Variants in DPY19L3 observed in about 807,000 individuals in gnomAD.
The protein encoded by DPY19L3 is dpy-19 like C-mannosyltransferase 3.
A neutral mutation model predicts 92.3 loss-of-function variants in DPY19L3; 51 were observed. That is an observed-to-expected ratio of 0.55 (90% CI 0.44 to 0.70). DPY19L3 has a LOEUF of 0.70. Ranked by LOEUF, DPY19L3 falls within the 30% of genes least tolerant of loss-of-function variation. The pLI, the probability that DPY19L3 is intolerant of heterozygous loss-of-function variation, is 0.00. For synonymous variants in DPY19L3, 309 were observed against 315.2 expected, an observed-to-expected ratio of 0.98 and a Z score of 0.21; for missense variants, 706 against 855.9, an observed-to-expected ratio of 0.82 and a Z score of 2.18.
At chr19:32,465,537 A>G (rs1486344154) in intron 15 of DPY19L3, among the ~76,000 whole-genome samples, 1 of 152,212 alleles carries the variant, frequency 6.6e-6, no homozygotes, top group African/African-American at 2.4e-5. Flanking sequence ...CTTTAAGTTA[A>G]AACGACGGAT....
intron 6 of DPY19L3, among the ~76,000 whole-genome samples, chr19:32,438,207 C>T (rs1969208034): frequency 6.6e-6 from 1 of 152,126 alleles, no homozygotes; most frequent in African/African-American, 2.4e-5. Flanking sequence ...AAAACTTGAA[C>T]ATGAGTTCTA....
At chr19:32,426,607 A>C (rs543332241) in intron 3 of DPY19L3, among the ~76,000 whole-genome samples, 2 of 152,268 alleles carry the variant, frequency 1.3e-5, no homozygotes, top group African/African-American at 4.8e-5. Flanking sequence ...GCCTGGGGAG[A>C]GGAAATGAGA....
rs759615519 is a variant in DPY19L3, at chr19:32,463,863, T to A, written c.1446-6T>A. On this transcript the variant is annotated splice_region_variant and splice_polypyrimidine_tract_variant and intron_variant, in intron 13 of 18. Transcript: ENST00000392250. The stretch of plus-strand genomic sequence containing the variant: ...TTCTGACTTGCGCCTGTGTCTGTTC[T>A]TGCAGAATGAAGTACCTCTGGACGT... 6.2e-7 allele frequency: 1 copy of A among 1,611,236 alleles called. No individual in the cohort carries two copies. The highest frequency in any genetic ancestry group is 1.1e-5 in the South Asian group (1 of 90,878).
chr19:32,481,835 G>A, intron 18 of DPY19L3: 1 of 468,898 alleles, frequency 2.1e-6, no homozygotes, highest in South Asian at 3.3e-5. Flanking sequence ...CTGAGTTCTA[G>A]TTCTGGCTTT....
At chr19:32,447,801 T>A (rs557613824) in intron 8 of DPY19L3, among the ~76,000 whole-genome samples, 8,317 of 71,498 alleles carry the variant, frequency 0.12, 297 homozygotes, top group Admixed American at 0.15. Flanking sequence ...TCCATCTCAT[T>A]CATAGATAGA....
At chr19:32,451,927 T>C (rs151260722) in intron 8 of DPY19L3, among the ~76,000 whole-genome samples, 5,167 of 152,084 alleles carry the variant, frequency 0.034, 351 homozygotes, top group Admixed American at 0.17. Flanking sequence ...CTCAACCTCC[T>C]GGACTCAAGT....
chr19:32,467,815 TTTAG>T, intron 15 of DPY19L3: 1 of 977,796 alleles, frequency 1.0e-6, no homozygotes. Flanking sequence ...ACAATTAAGA[TTTAG>T]TTAATTGTTG....
Position 32,437,214 on chromosome 19 carries a change from T to A in DPY19L3, c.471T>A (p.Tyr157Ter), listed in dbSNP as rs975410353. 6.2e-7 allele frequency: 1 copy of A among 1,614,016 alleles called. No individual in the cohort carries two copies. Among genetic ancestry groups the A allele is most frequent in the African/African-American group, 1.3e-5 (1 of 74,910 alleles). The change falls in exon 6 of 19, where the codon TAT (tyrosine) becomes TAA (stop). Residue 157 changes from tyrosine (Y) to a stop codon, truncating the protein, a stop_gained. Transcript: ENST00000392250. LOFTEE classifies it high-confidence loss of function. ...LPIQKYLEPVYFYIYTLFGLQ... is the reference protein window; with the variant it reads ...LPIQKYLEPV ...TACAGAAATATTTAGAGCCAGTTTA[T>A]TTTTATATTTACACCTTATTTGGGC... is the stretch of plus-strand genomic sequence containing the variant.
chr19:32,411,038 A>G (rs1413739299), intron 2 of DPY19L3, among the ~76,000 whole-genome samples: 4 of 152,226 alleles, frequency 2.6e-5, no homozygotes, highest in Non-Finnish European at 4.4e-5. Context: ...GAATGGACAC[A>G]TGGACAGTTA....
rs554184543 is a variant in DPY19L3 at position 32,443,291 on chromosome 19, G to A, written c.855+3381G>A. On this transcript the variant is annotated intron_variant, in intron 8 of 18. Transcript: ENST00000392250. ...GTGGGCACCTTGGACTTCCATTTCC[G>A]TCTGAAAGTACTGAGGCAGCACCCT... is the stretch of plus-strand genomic sequence containing the variant. Among the ~76,000 whole-genome samples the A allele has an allele frequency of 2.1e-4, 32 of 152,316 alleles. 1 individual carries two copies. The highest frequency in any genetic ancestry group is 3.4e-3 in the Middle Eastern group (1 of 294).
At chr19:32,476,479 C>T (rs1047174629) in intron 16 of DPY19L3, among the ~76,000 whole-genome samples, 2 of 148,150 alleles carry the variant, frequency 1.3e-5, no homozygotes, top group Non-Finnish European at 3.0e-5. Context: ...CTCTTAGGGC[C>T]TCCTGAGAAA....
intron 2 of DPY19L3, among the ~76,000 whole-genome samples, chr19:32,409,897 A>G (rs990414034): frequency 1.3e-5 from 2 of 152,100 alleles, no homozygotes; most frequent in African/African-American, 4.8e-5. Flanking sequence ...TGGGAATCAC[A>G]TTTCATCATG....
intron 16 of DPY19L3, among the ~76,000 whole-genome samples, chr19:32,470,565 T>C (rs542759526): frequency 6.6e-6 from 1 of 152,298 alleles, no homozygotes; most frequent in East Asian, 1.9e-4. Flanking sequence ...TAGATATATT[T>C]ATTTGTAGTG....
Position 32,484,913 on chromosome 19 carries a change from A to T in DPY19L3, c.*2673A>T, listed in dbSNP as rs1198557082. 6.6e-6 allele frequency: 1 copy of T among 152,252 alleles called. No homozygotes were observed. The highest frequency in any genetic ancestry group is 2.4e-5 in the African/African-American group (1 of 41,468). The allele number at this position is 152,252 out of a possible 1,614,324, so 9.4% of individuals were successfully genotyped here. ...TAAATTAGGTGTGGCTGGGAATATT[A>T]TAAGATATTGGGGAAAATATACAAA... On this transcript the variant is annotated 3_prime_UTR_variant, in exon 19 of 19. Transcript: ENST00000392250.
At chr19:32,446,407 T>C (rs140983922) in intron 8 of DPY19L3, among the ~76,000 whole-genome samples, 27 of 152,224 alleles carry the variant, frequency 1.8e-4, no homozygotes, top group African/African-American at 6.0e-4. Context: ...AGGTAAATGA[T>C]CTAAATATAC....
chr19:32,469,682 A>G (rs1339820559), intron 16 of DPY19L3, among the ~76,000 whole-genome samples: 1 of 152,166 alleles, frequency 6.6e-6, no homozygotes, highest in Non-Finnish European at 1.5e-5. Context: ...CGTCTTGAAT[A>G]TCATAATGCT....
Position 32,411,190 on chromosome 19 carries a change from C to T in DPY19L3, c.104-49C>T, listed in dbSNP as rs758545056. On this transcript the variant is annotated intron_variant, in intron 2 of 18. Transcript: ENST00000392250. ...TAATCTGAAGTAGAACTATTACATTCTGATTTTTTTACTGACTTAGTTATT... is the reference window on the plus strand; with the variant it reads ...TAATCTGAAGTAGAACTATTACATTTTGATTTTTTTACTGACTTAGTTATT... 88 of 1,564,594 alleles carry T rather than the reference C, an allele frequency of 5.6e-5. 1 individual carries two copies. The highest frequency in any genetic ancestry group is 5.5e-5 in the Non-Finnish European group (63 of 1,153,150).
intron 8 of DPY19L3, among the ~76,000 whole-genome samples, chr19:32,442,559 A>G (rs554662184): frequency 6.6e-6 from 1 of 152,266 alleles, no homozygotes; most frequent in Admixed American, 6.5e-5. Flanking sequence ...CAGACTGCCT[A>G]GGGACCTTGC....
Position 32,484,240 on chromosome 19 carries a change from C to T in DPY19L3, c.*2000C>T, listed in dbSNP as rs1006023265. On this transcript the variant is annotated 3_prime_UTR_variant, in exon 19 of 19. Coordinates refer to ENST00000392250, the MANE Select transcript of DPY19L3 (RefSeq NM_001172774.2). ...ACAGAATCCATACTTAACACTCTTTCCAAGACACTGTGACCATGTACAGTA... is the reference window on the plus strand; with the variant it reads ...ACAGAATCCATACTTAACACTCTTTTCAAGACACTGTGACCATGTACAGTA... 6.5e-6 allele frequency: 1 copy of T among 152,716 alleles called. No homozygotes were observed. The highest frequency in any genetic ancestry group is 1.5e-5 in the Non-Finnish European group (1 of 68,026). 9.5% of individuals were successfully genotyped at this position (152,716 alleles called of 1,614,324 possible).
Sources: gnomAD v4.1 joint callset for allele counts (sites outside exome capture counted in the v4.1 genomes callset) on GRCh38, gnomAD v4.1.1 for gene constraint, MANE v1.5 for transcripts, NCBI Gene and HGNC (gene_info 2026-07-23, HGNC 2026-07-21) for gene names.